PRAMEF11: variants seen among roughly 807,000 people sequenced by gnomAD.
The protein encoded by PRAMEF11 is PRAME family member 11.
A neutral mutation model predicts 33.6 loss-of-function variants in PRAMEF11; 17 were observed. That is an observed-to-expected ratio of 0.51 (90% CI 0.35 to 0.76). The LOEUF is 0.76. Among genes scored for constraint, PRAMEF11 ranks in the 30% least tolerant of loss-of-function variants. PRAMEF11 has a pLI of 0.01. For synonymous variants in PRAMEF11, 205 were observed against 227.3 expected, an observed-to-expected ratio of 0.90 and a Z score of 0.88; for missense variants, 568 against 567.0, an observed-to-expected ratio of 1.00 and a Z score of -0.02.
At chr1:12,829,124 A>G (rs1429193126) in intron 1 of PRAMEF11, among the ~76,000 whole-genome samples, 1 of 146,504 alleles carries the variant, frequency 6.8e-6, no homozygotes, top group African/African-American at 2.4e-5. Context: ...TAATTACTTA[A>G]GGTTCTAAAA....
intron 1 of PRAMEF11, among the ~76,000 whole-genome samples, 165 bp downstream of exon 1, chr1:12,831,190 AG>A (rs1441626178): frequency 2.0e-5 from 3 of 151,208 alleles, no homozygotes; most frequent in African/African-American, 7.3e-5. Flanking sequence ...TTTGAAATAA[AG>A]ACAGAACTGC....
Position 12,824,946 on chromosome 1 carries a change from C to T in PRAMEF11, c.1433G>A (p.Cys478Tyr), listed in dbSNP as rs1379674495. 1 of 1,608,904 alleles carries T rather than the reference C, an allele frequency of 6.2e-7. No homozygotes were observed. The highest frequency in any genetic ancestry group is 1.3e-5 in the African/African-American group (1 of 74,548). Residue 478 changes from cysteine (C) to tyrosine (Y), a missense_variant, in exon 4 of 4, where the codon TGT becomes TAT. Cys to Tyr is a radical substitution (Grantham distance 194). Coordinates refer to ENST00000619922, the MANE Select transcript of PRAMEF11 (RefSeq NM_001146344.3). ...FYDLEADQYC[C>Y] ...CCCATCCAAATAGGCAGGCATTCAA[C>T]AGCAGTATTGATCTGCCTCCAGGTC...
At chr1:12,827,933 C>T in intron 2 of PRAMEF11, 103 bp from the exon 3 acceptor site, 1 of 1,575,296 alleles carries the variant, frequency 6.3e-7, no homozygotes, top group South Asian at 1.1e-5. Flanking sequence ...TGTTGTCCCT[C>T]TCTCTGAGTT....
At position 12,826,587 on chromosome 1, in the gene PRAMEF11, A is replaced by C. The variant is rs541185387; in HGVS notation, c.875+662T>G. Reference sequence around the variant, plus strand: ...GAATAACCTGGCCAAAATGGTGAAAACCTGTCTCTACTTAAAATATAAAAA... The same window carrying C: ...GAATAACCTGGCCAAAATGGTGAAACCCTGTCTCTACTTAAAATATAAAAA... On this transcript the variant is annotated intron_variant, in intron 3 of 3. Transcript: ENST00000619922. Among the ~76,000 whole-genome samples, 108 of 150,382 alleles carry C rather than the reference A, an allele frequency of 7.2e-4. 1 individual carries two copies. Among genetic ancestry groups the C allele is most frequent in the South Asian group, 6.7e-3 (31 of 4,608 alleles).
intron 3 of PRAMEF11, among the ~76,000 whole-genome samples, chr1:12,826,620 G>C (rs928174150): frequency 6.6e-6 from 1 of 151,168 alleles, no homozygotes; most frequent in African/African-American, 2.4e-5. Flanking sequence ...AAATTAGCCA[G>C]GTGTGGTGGC....
At chr1:12,826,574 C>T (rs558340382) in intron 3 of PRAMEF11, among the ~76,000 whole-genome samples, 4 of 150,610 alleles carry the variant, frequency 2.7e-5, no homozygotes, top group African/African-American at 7.3e-5. Context: ...ATAACCTGGC[C>T]AAAATGGTGA....
In PRAMEF11 at chr1:12,825,142, C is replaced by T. The variant is rs747679323; in HGVS notation, c.1237G>A (p.Glu413Lys). The T allele has an allele frequency of 6.2e-7, 1 of 1,609,224 alleles. No individual in the cohort carries two copies. Among genetic ancestry groups the T allele is most frequent in the Admixed American group, 1.7e-5 (1 of 59,638 alleles). The part of the protein sequence containing the change: ...HTIILKNLCL[E>K]LYPAPQESYG... ...CTTTCCTGCGGGGCAGGATACAGCT[C>T]CAGGCATAAGTTTTTGAGTATGATT... is the stretch of plus-strand genomic sequence containing the variant. The change falls in exon 4 of 4, where the codon GAG becomes AAG. Residue 413 changes from glutamate to lysine, a missense_variant. Coordinates refer to ENST00000619922, the MANE Select transcript of PRAMEF11 (RefSeq NM_001146344.3).
At chr1:12,825,825 T>G (rs573896235) in intron 3 of PRAMEF11, among the ~76,000 whole-genome samples, 62 of 150,688 alleles carry the variant, frequency 4.1e-4, no homozygotes, top group African/African-American at 1.4e-3. Flanking sequence ...AATCCAAAAA[T>G]TAGCCAGGTG....
Position 12,828,555 on chromosome 1 carries a change from C to A in PRAMEF11, c.235G>T (p.Ala79Ser), listed in dbSNP as rs200349667. 16 of 1,605,732 alleles carry A rather than the reference C, an allele frequency of 1.0e-5. No homozygotes were observed. The African/African-American group carries it at 1.8e-4, about 18-fold the overall frequency. ...RPLIKMPCLE[A>S]FQAVLDGLDA... ...AGCCCATCGAGCACAGCTTGGAAGG[C>A]CTCCAGACAAGGCATCTTTATCAGA... The change falls in exon 2 of 4, where the codon GCC (alanine) becomes TCC (serine). Residue 79 changes from alanine (A) to serine (S), a missense_variant. Physicochemically the swap from Ala to Ser is moderately conservative, Grantham distance 99 (BLOSUM62 1). Transcript: ENST00000619922.
At chr1:12,827,179 G>C (rs1421909497) in intron 3 of PRAMEF11, 70 bp downstream of exon 3, 3 of 1,540,156 alleles carry the variant, frequency 1.9e-6, no homozygotes, top group East Asian at 4.5e-5. Context: ...GCTCACAGTA[G>C]ATGCCCACTA....
At chr1:12,828,190 G>C (rs1355748141) in intron 2 of PRAMEF11, among the ~76,000 whole-genome samples, 3 of 146,714 alleles carry the variant, frequency 2.0e-5, no homozygotes, top group Non-Finnish European at 4.5e-5. Context: ...TTACCATGTT[G>C]GACAGGCTGG....
At chr1:12,828,410 C>G in intron 2 of PRAMEF11, 87 bp downstream of exon 2, 1 of 1,448,594 alleles carries the variant, frequency 6.9e-7, no homozygotes, top group African/African-American at 1.4e-5. Flanking sequence ...CCACCATCCC[C>G]CTTGGGCCTC....
At chr1:12,826,220 A>T (rs1421174965) in intron 3 of PRAMEF11, among the ~76,000 whole-genome samples, 1 of 151,086 alleles carries the variant, frequency 6.6e-6, no homozygotes, top group Non-Finnish European at 1.5e-5. Context: ...TATCATCAGC[A>T]AACCATCTAT....
At chr1:12,828,878 G>A (rs1253274489) in intron 1 of PRAMEF11, 73 bp from the exon 2 acceptor site, 32 of 1,593,738 alleles carry the variant, frequency 2.0e-5, no homozygotes, top group Non-Finnish European at 2.7e-5. Context: ...TTCTCCCAGG[G>A]CCAAAGTCAC....
rs1639815388 is a variant in PRAMEF11 at position 12,824,635 on chromosome 1, T to C, written c.*307A>G. ...CTGCTCAGTTTTCCTTTATTTCTGATTGTTTCTTTACAACCATCCATGCAA... is the reference window on the plus strand; with the variant it reads ...CTGCTCAGTTTTCCTTTATTTCTGACTGTTTCTTTACAACCATCCATGCAA... On this transcript the variant is annotated 3_prime_UTR_variant, in exon 4 of 4. Coordinates refer to ENST00000619922, the MANE Select transcript of PRAMEF11 (RefSeq NM_001146344.3). The C allele has an allele frequency of 2.9e-6, 1 of 349,140 alleles. No homozygotes were observed. The allele number at this position is 349,140 out of a possible 1,614,324, so 21.6% of individuals were successfully genotyped here.
rs531729432 is a variant in PRAMEF11, at chr1:12,825,120, T to C, written c.1259A>G (p.Glu420Gly). ...GAGAGTACCATCAGCACCATAACTTTCCTGCGGGGCAGGATACAGCTCCAG... is the reference window on the plus strand; with the variant it reads ...GAGAGTACCATCAGCACCATAACTTCCCTGCGGGGCAGGATACAGCTCCAG... ...LCLELYPAPQESYGADGTLCW... is the reference protein window; with the variant it reads ...LCLELYPAPQGSYGADGTLCW... Residue 420 changes from glutamate (E) to glycine (G), a missense_variant, in exon 4 of 4, where the codon GAA (glutamate) becomes GGA (glycine). Around this residue, in one of 3 missense-constraint regions of PRAMEF11, gnomAD observed 174 missense variants for 127.2 expected, o/e 1.37. Transcript: ENST00000619922. 101 of 1,609,598 alleles carry C rather than the reference T, an allele frequency of 6.3e-5. 13 individuals carry two copies. The East Asian group carries it at 2.2e-3, about 36-fold the overall frequency.
In PRAMEF11 at chr1:12,825,157, T is replaced by A; in HGVS notation, c.1222A>T (p.Lys408Ter). 3 of 1,608,882 alleles carry A rather than the reference T, an allele frequency of 1.9e-6. No individual in the cohort carries two copies. Among genetic ancestry groups the A allele is most frequent in the Non-Finnish European group, 2.5e-6 (3 of 1,177,718 alleles). Reference protein sequence around the residue: ...ENLLSHTIILKNLCLELYPAP... With the variant: ...ENLLSHTIIL ...GGATACAGCTCCAGGCATAAGTTTT[T>A]GAGTATGATTGTGTGGCTCAGCAGG... The change falls in exon 4 of 4, where the codon AAA becomes TAA. Residue 408 changes from lysine to a stop codon, truncating the protein, a stop_gained. Coordinates refer to ENST00000619922, the MANE Select transcript of PRAMEF11 (RefSeq NM_001146344.3). LOFTEE classifies it high-confidence loss of function.
chr1:12,830,393 T>C (rs1265729966), intron 1 of PRAMEF11, among the ~76,000 whole-genome samples: 1 of 151,340 alleles, frequency 6.6e-6, no homozygotes, highest in East Asian at 2.0e-4. Flanking sequence ...ATTCAAGCAA[T>C]TCTCATGCTT....
chr1:12,825,246 C>T lies in PRAMEF11; in HGVS notation c.1133G>A (p.Arg378His), dbSNP rs765136160. ...GCTGAAGGTGTTGAGCTCAAAGCAG[C>T]GGCTCAGGGCAGGCAGGATGGCGTT... is the stretch of plus-strand genomic sequence containing the variant. ...QVNAILPALS[R>H]CFELNTFSFC... is the part of the protein sequence containing the mutation. Residue 378 changes from arginine to histidine, a missense_variant, in exon 4 of 4, where the codon CGC (arginine) becomes CAC (histidine). This residue lies in a region of PRAMEF11 where 174 missense variants were observed against 127.2 expected (regional missense o/e 1.37). Coordinates refer to ENST00000619922, the MANE Select transcript of PRAMEF11 (RefSeq NM_001146344.3). 56 of 1,606,306 alleles carry T rather than the reference C, an allele frequency of 3.5e-5. No homozygotes were observed. Among genetic ancestry groups the T allele is most frequent in the Middle Eastern group, 4.5e-4 (2 of 4,452 alleles).
Sources: gnomAD v4.1 joint callset for allele counts (sites outside exome capture counted in the v4.1 genomes callset) on GRCh38, gnomAD v4.1.1 for gene constraint, gnomAD v4.1.1 regional missense constraint, MANE v1.5 for transcripts, NCBI Gene and HGNC (gene_info 2026-07-23, HGNC 2026-07-21) for gene names.